The following NRG3 variants were observed in gnomAD, a reference collection of about 807,000 sequenced individuals.
NRG3 encodes neuregulin 3, also known as pro-neuregulin-3, membrane-bound isoform.
In NRG3, 31 loss-of-function variants were observed where a neutral mutation model predicts 66.9. That is an observed-to-expected ratio of 0.46 (90% confidence interval 0.35 to 0.63). The LOEUF (loss-of-function observed/expected upper bound fraction) is 0.63, where lower values mean the gene tolerates loss of function less well. NRG3 is among the 20% of genes least tolerant of loss of function. NRG3 has a pLI of 0.00. For missense variants in NRG3, 910 were observed against 878.9 expected, an observed-to-expected ratio of 1.04 and a Z score of -0.45; for synonymous variants, 393 against 359.4, an observed-to-expected ratio of 1.09 and a Z score of -1.06.
At chr10:82,025,319 T>A (rs2062250608) in intron 1 of NRG3, among the ~76,000 whole-genome samples, 1 of 151,314 alleles carries the variant, frequency 6.6e-6, no homozygotes, top group Non-Finnish European at 1.5e-5. Flanking sequence ...ATATCTGACT[T>A]TTTTCCATGT....
At chr10:82,659,567 C>T (rs2133950242) in intron 2 of NRG3, among the ~76,000 whole-genome samples, 1 of 152,204 alleles carries the variant, frequency 6.6e-6, no homozygotes, top group Middle Eastern at 3.4e-3. Context: ...ATAACTTGAA[C>T]ATGGGGGTGA....
intron 3 of NRG3, among the ~76,000 whole-genome samples, chr10:82,794,737 T>C (rs775242668): frequency 6.6e-6 from 1 of 152,112 alleles, no homozygotes; most frequent in Non-Finnish European, 1.5e-5. Flanking sequence ...GGCTTAGAGA[T>C]GAATTTTAAA....
chr10:82,086,645 G>T (rs908919879), intron 1 of NRG3, among the ~76,000 whole-genome samples: 2 of 152,046 alleles, frequency 1.3e-5, no homozygotes, highest in Non-Finnish European at 2.9e-5. Flanking sequence ...CAGTGTGGAC[G>T]CAATACATTT....
chr10:81,980,280 C>A (rs2060285844), intron 1 of NRG3, among the ~76,000 whole-genome samples: 1 of 151,336 alleles, frequency 6.6e-6, no homozygotes, highest in Non-Finnish European at 1.5e-5. Context: ...AGATTTTATT[C>A]TGCCAATTAT....
chr10:82,407,523 C>A (rs1412859232), intron 2 of NRG3, among the ~76,000 whole-genome samples: 1 of 152,144 alleles, frequency 6.6e-6, no homozygotes, highest in African/African-American at 2.4e-5. Context: ...GGGAAAATGA[C>A]TTTGTCCCTC....
chr10:82,061,357 A>G (rs80024214), intron 1 of NRG3, among the ~76,000 whole-genome samples: 1,813 of 151,808 alleles, frequency 0.012, 44 homozygotes, highest in African/African-American at 0.042. Context: ...CCTCTCAAAC[A>G]AAACAAAACA....
intron 2 of NRG3, among the ~76,000 whole-genome samples, chr10:82,500,893 C>A (rs1329337340): frequency 6.6e-6 from 1 of 151,952 alleles, no homozygotes. Flanking sequence ...GTTTAAAGGT[C>A]TAGATGGTAG....
chr10:82,892,395 G>A (rs1843234257), intron 4 of NRG3, among the ~76,000 whole-genome samples: 1 of 152,208 alleles, frequency 6.6e-6, no homozygotes, highest in South Asian at 2.1e-4. Flanking sequence ...CAAGCATGGT[G>A]GCTCACGCCT....
intron 2 of NRG3, among the ~76,000 whole-genome samples, chr10:82,385,612 G>A (rs1212721168): frequency 6.6e-6 from 1 of 152,112 alleles, no homozygotes; most frequent in Non-Finnish European, 1.5e-5. Flanking sequence ...TCTATACAAG[G>A]AATAAGGAGG....
intron 1 of NRG3, among the ~76,000 whole-genome samples, chr10:81,947,202 C>T (rs1351645863): frequency 2.0e-5 from 3 of 152,062 alleles, no homozygotes; most frequent in Admixed American, 1.3e-4. Context: ...CTCTTCATGC[C>T]GTCTTCTCTC....
At chr10:82,706,088 C>G (rs2056267203) in intron 2 of NRG3, among the ~76,000 whole-genome samples, 1 of 152,106 alleles carries the variant, frequency 6.6e-6, no homozygotes, top group African/African-American at 2.4e-5. Flanking sequence ...CAACCACCCA[C>G]TCCCTTTCTT....
At chr10:82,176,906 A>ACACACACACACACACAC (rs1251109253) in intron 1 of NRG3, among the ~76,000 whole-genome samples, 23 of 51,582 alleles carry the variant, frequency 4.5e-4, no homozygotes, top group East Asian at 2.2e-3. Context: ...CACACACACA[A>ACACACACACACACACAC]ACACACACAC....
chr10:81,995,986 C>T (rs1304505981), intron 1 of NRG3, among the ~76,000 whole-genome samples: 5 of 152,124 alleles, frequency 3.3e-5, no homozygotes, highest in African/African-American at 4.8e-5. Flanking sequence ...GCTCATGATC[C>T]TTTACATCCA....
rs557043077 is a variant in NRG3, at chr10:82,498,270, TCA to T, written c.953+139404_953+139405del. 9.9e-4 allele frequency among the ~76,000 whole-genome samples: 151 copies of T among 152,306 alleles called. 1 individual carries two copies. The highest frequency in any genetic ancestry group is 3.3e-3 in the African/African-American group (138 of 41,574). On this transcript the variant is annotated intron_variant, in intron 2 of 8. Transcript: ENST00000372141. ...GAAATAAACAAGGGTGATTTTTTTCTCACTTTGTGTTGATTTTTTTTTGAGAC... is the reference window on the plus strand; with the variant it reads ...GAAATAAACAAGGGTGATTTTTTTCTCTTTGTGTTGATTTTTTTTTGAGAC...
At chr10:82,156,524 A>G (rs2071198771) in intron 1 of NRG3, among the ~76,000 whole-genome samples, 1 of 151,682 alleles carries the variant, frequency 6.6e-6, no homozygotes, top group Non-Finnish European at 1.5e-5. Context: ...ATCACCTCCT[A>G]TTATTAGTGC....
At chr10:82,333,141 CCT>C (rs1023392238) in intron 1 of NRG3, among the ~76,000 whole-genome samples, 5 of 152,128 alleles carry the variant, frequency 3.3e-5, no homozygotes, top group Non-Finnish European at 4.4e-5. Context: ...AAGATCTACC[CCT>C]GTCTTTTTAT....
At chr10:81,930,653 A>T (rs201144699) in intron 1 of NRG3, among the ~76,000 whole-genome samples, 1 of 152,188 alleles carries the variant, frequency 6.6e-6, no homozygotes, top group African/African-American at 2.4e-5. Context: ...AACACCGGGA[A>T]TATTCTCCAA....
At chr10:82,223,349 T>A (rs1244411315) in intron 1 of NRG3, among the ~76,000 whole-genome samples, 1 of 152,008 alleles carries the variant, frequency 6.6e-6, no homozygotes, top group African/African-American at 2.4e-5. Flanking sequence ...AAAAAACATA[T>A]CACAAGACAG....
At chr10:82,684,539 A>T (rs35467914) in intron 2 of NRG3, among the ~76,000 whole-genome samples, 6,057 of 152,198 alleles carry the variant, frequency 0.04, 200 homozygotes, top group Non-Finnish European at 0.061. Context: ...GGAACAAAAA[A>T]AAACAGTACA....
Sources: gnomAD v4.1 joint callset for allele counts (sites outside exome capture counted in the v4.1 genomes callset) on GRCh38, gnomAD v4.1.1 for gene constraint, MANE v1.5 for transcripts, NCBI Gene and HGNC (gene_info 2026-07-23, HGNC 2026-07-21) for gene names.